MSI2: variants seen among roughly 807,000 people sequenced by gnomAD.
MSI2 encodes the protein RNA-binding protein Musashi homolog 2.
Under a neutral mutation model 45.6 loss-of-function variants are expected in MSI2, and 17 were observed. That is an observed-to-expected ratio of 0.37 (90% confidence interval 0.26 to 0.56). The LOEUF (loss-of-function observed/expected upper bound fraction) is 0.56. Ranked by LOEUF, MSI2 falls within the 20% of genes least tolerant of loss-of-function variation. The probability of loss-of-function intolerance (pLI) is 0.77; values close to 1 mark genes in which losing one functional copy is unlikely to be tolerated. For missense variants in MSI2, 293 were observed against 444.2 expected (o/e 0.66, Z 3.06); for synonymous variants, 156 against 158.2 (o/e 0.99, Z 0.11).
intron 7 of MSI2, among the ~76,000 whole-genome samples, chr17:57,546,719 G>A (rs1387765358): frequency 6.6e-6 from 1 of 152,206 alleles, no homozygotes; most frequent in Non-Finnish European, 1.5e-5. Context: ...GGTTTCCCCA[G>A]GATGGCCAGG....
intron 7 of MSI2, among the ~76,000 whole-genome samples, chr17:57,554,913 CA>C (rs2087396283): frequency 6.6e-6 from 1 of 152,416 alleles, no homozygotes; most frequent in Middle Eastern, 3.4e-3. Context: ...GCAGCGCCTG[CA>C]GCCCCTGCTG....
At chr17:57,478,987 A>C (rs2085595754) in intron 6 of MSI2, among the ~76,000 whole-genome samples, 1 of 152,118 alleles carries the variant, frequency 6.6e-6, no homozygotes. Flanking sequence ...ACAGAACTCC[A>C]GCCTTCATGG....
Position 57,679,705 on chromosome 17 carries a change from C to A in MSI2, c.*188C>A. The A allele has an allele frequency of 1.6e-6, 1 of 633,406 alleles. No homozygotes were observed. The highest frequency in any genetic ancestry group is 2.1e-6 in the Non-Finnish European group (1 of 484,062). The allele number at this position is 633,406 out of a possible 1,614,324, so 39.2% of individuals were successfully genotyped here. On this transcript the variant is annotated 3_prime_UTR_variant, in exon 14 of 14. Coordinates refer to ENST00000284073, the MANE Select transcript of MSI2 (RefSeq NM_138962.4). ...GGGTTGACTACATCTCATCATCTCA[C>A]GAATCTGCTGTAATATAAGACAACA...
At chr17:57,309,542 T>G (rs1326340585) in intron 5 of MSI2, among the ~76,000 whole-genome samples, 3 of 152,222 alleles carry the variant, frequency 2.0e-5, no homozygotes, top group Non-Finnish European at 2.9e-5. Context: ...TTTGTATGTG[T>G]TAAACATATT....
intron 5 of MSI2, among the ~76,000 whole-genome samples, chr17:57,381,788 C>G (rs1374664388): frequency 6.6e-6 from 1 of 152,232 alleles, no homozygotes; most frequent in Non-Finnish European, 1.5e-5. Context: ...TTTGTATTTT[C>G]AGAGGCCCTG....
chr17:57,606,237 C>T (rs1392760182), intron 8 of MSI2: 2 of 152,382 alleles, frequency 1.3e-5, no homozygotes, highest in Non-Finnish European at 2.9e-5. Context: ...ACTTCATCAC[C>T]TTCAAAGGCA....
chr17:57,386,309 G>A (rs1008529034), intron 5 of MSI2, among the ~76,000 whole-genome samples: 5 of 152,040 alleles, frequency 3.3e-5, no homozygotes, highest in East Asian at 1.9e-4. Flanking sequence ...GCTGTTCTTC[G>A]TAGGAACAAA....
chr17:57,666,040 A>T (rs1912339158), intron 11 of MSI2, among the ~76,000 whole-genome samples: 2 of 152,026 alleles, frequency 1.3e-5, no homozygotes, highest in Non-Finnish European at 2.9e-5. Flanking sequence ...GGAGCTCCCA[A>T]TTTGGAAAGG....
At chr17:57,500,244 A>C (rs1286040834) in intron 6 of MSI2, among the ~76,000 whole-genome samples, 1 of 152,070 alleles carries the variant, frequency 6.6e-6, no homozygotes, top group East Asian at 1.9e-4. Context: ...CTCAGATCTT[A>C]AGTGGATATT....
At chr17:57,485,854 AG>A (rs1342368436) in intron 6 of MSI2, among the ~76,000 whole-genome samples, 1 of 152,144 alleles carries the variant, frequency 6.6e-6, no homozygotes, top group Non-Finnish European at 1.5e-5. Flanking sequence ...CGTGGAGGGG[AG>A]GGCATCACTA....
intron 7 of MSI2, among the ~76,000 whole-genome samples, chr17:57,575,944 C>CAA (rs34036311): frequency 0.062 from 3,962 of 64,098 alleles, 285 homozygotes; most frequent in Middle Eastern, 0.098. Context: ...GACTCCGTCT[C>CAA]AAAAAAAAAA....
chr17:57,640,737 G>A (rs1182577380), intron 10 of MSI2, among the ~76,000 whole-genome samples: 2 of 152,196 alleles, frequency 1.3e-5, no homozygotes, highest in Non-Finnish European at 1.5e-5. Context: ...TCTGGACCTA[G>A]AATTCTTCAT....
rs150670675 is a variant in MSI2 at position 57,453,922 on chromosome 17, A to G, written c.405+52451A>G. Among the ~76,000 whole-genome samples the G allele has an allele frequency of 3.5e-3, 529 of 152,358 alleles. 3 individuals are homozygous for G. The highest frequency in any genetic ancestry group is 0.012 in the African/African-American group (491 of 41,580). On this transcript the variant is annotated intron_variant, in intron 6 of 13. Coordinates refer to ENST00000284073, the MANE Select transcript of MSI2 (RefSeq NM_138962.4). The stretch of plus-strand genomic sequence containing the variant: ...GCCAGGATCCAAACTGCCTGACCCC[A>G]GAGCTCATACCTTTATCTTTCTCAT...
intron 6 of MSI2, among the ~76,000 whole-genome samples, chr17:57,462,412 G>A (rs1170082937): frequency 6.6e-6 from 1 of 152,178 alleles, no homozygotes; most frequent in Non-Finnish European, 1.5e-5. Context: ...TGCCTTTCCA[G>A]AGGTGGGTGT....
intron 8 of MSI2, among the ~76,000 whole-genome samples, chr17:57,605,704 T>C (rs1906498885): frequency 6.6e-6 from 1 of 152,252 alleles, no homozygotes; most frequent in Non-Finnish European, 1.5e-5. Context: ...TCTCTTCTAG[T>C]TTCACTCTAG....
intron 7 of MSI2, among the ~76,000 whole-genome samples, chr17:57,586,522 G>A (rs752041892): frequency 1.3e-5 from 2 of 151,764 alleles, no homozygotes; most frequent in Non-Finnish European, 2.9e-5. Flanking sequence ...AAATCTCCTA[G>A]TGCCTGATGC....
intron 7 of MSI2, among the ~76,000 whole-genome samples, chr17:57,534,875 A>G (rs4793866): frequency 0.94 from 142,558 of 152,210 alleles, 66,851 homozygotes; most frequent in East Asian, 1. Flanking sequence ...GTTGTTAGAG[A>G]TGGTCTGGAA....
chr17:57,616,809 A>T (rs764521072), intron 9 of MSI2, among the ~76,000 whole-genome samples: 5 of 152,244 alleles, frequency 3.3e-5, no homozygotes, highest in Non-Finnish European at 5.9e-5. Flanking sequence ...TGGAGAAAGC[A>T]GTGGAGATGC....
At chr17:57,315,376 G>A (rs920268918) in intron 5 of MSI2, among the ~76,000 whole-genome samples, 5 of 151,994 alleles carry the variant, frequency 3.3e-5, no homozygotes, top group East Asian at 1.9e-4. Context: ...GACCACAGAC[G>A]TGGGGCATTT....
Sources: allele counts gnomAD v4.1 joint callset (sites outside exome capture counted in the v4.1 genomes callset), GRCh38; gene constraint gnomAD v4.1.1; transcripts MANE v1.5; gene names NCBI Gene and HGNC (gene_info 2026-07-23, HGNC 2026-07-21).